Variants in RALYL observed in about 807,000 individuals in gnomAD.
RALYL encodes the protein RALY RNA binding protein like.
In RALYL, 29 loss-of-function variants were observed where a neutral mutation model predicts 35.1. The observed-to-expected ratio is 0.83, with a 90% confidence interval of 0.61 to 1.13. The LOEUF is 1.13. Among genes scored for constraint, RALYL ranks in the 50% most tolerant of loss-of-function variants. The probability of loss-of-function intolerance (pLI) is 0.00; values close to 1 mark genes in which losing one functional copy is unlikely to be tolerated. For missense variants in RALYL, 359 were observed against 360.4 expected, an observed-to-expected ratio of 1.00 and a Z score of 0.03; for synonymous variants, 120 against 127.6, an observed-to-expected ratio of 0.94 and a Z score of 0.40.
intron 2 of RALYL, among the ~76,000 whole-genome samples, chr8:84,698,425 A>C (rs1260158561): frequency 6.6e-6 from 1 of 152,144 alleles, no homozygotes; most frequent in Admixed American, 6.6e-5. Flanking sequence ...ATAGAGTCCC[A>C]ATGATAATAA....
At chr8:84,271,057 C>T (rs1834215829) in intron 1 of RALYL, among the ~76,000 whole-genome samples, 1 of 149,200 alleles carries the variant, frequency 6.7e-6, no homozygotes, top group African/African-American at 2.5e-5. Context: ...GCAAATAGAA[C>T]TTTATCAAAT....
At chr8:84,570,798 G>A (rs765876731) in intron 2 of RALYL, among the ~76,000 whole-genome samples, 7 of 151,768 alleles carry the variant, frequency 4.6e-5, no homozygotes, top group African/African-American at 9.7e-5. Flanking sequence ...ATCATGAAGC[G>A]ATGTTAGATT....
intron 2 of RALYL, among the ~76,000 whole-genome samples, chr8:84,663,381 T>C (rs375937149): frequency 9.2e-5 from 14 of 152,288 alleles, no homozygotes; most frequent in African/African-American, 3.4e-4. Context: ...ATGCTGCCTC[T>C]AGGTCTTTGA....
At chr8:84,602,234 T>A (rs1277432393) in intron 2 of RALYL, among the ~76,000 whole-genome samples, 1 of 152,006 alleles carries the variant, frequency 6.6e-6, no homozygotes, top group African/African-American at 2.4e-5. Flanking sequence ...CCAATAACTG[T>A]TTTTCATCTT....
chr8:84,354,060 A>T (rs1175839221), intron 1 of RALYL, among the ~76,000 whole-genome samples: 1 of 127,366 alleles, frequency 7.9e-6, no homozygotes, highest in African/African-American at 2.8e-5. Context: ...ATTTTTAAAA[A>T]ATAGATTTTT....
intron 2 of RALYL, among the ~76,000 whole-genome samples, chr8:84,760,009 A>G (rs1812313724): frequency 6.6e-6 from 1 of 152,294 alleles, no homozygotes; most frequent in South Asian, 2.1e-4. Context: ...CCATTTGCCT[A>G]TCTTATAGGC....
chr8:84,885,492 A>C (rs1418047464), intron 7 of RALYL, among the ~76,000 whole-genome samples: 1 of 152,158 alleles, frequency 6.6e-6, no homozygotes. Flanking sequence ...CCATCAGTAC[A>C]TCTGTATATG....
intron 1 of RALYL, among the ~76,000 whole-genome samples, chr8:84,390,777 C>G (rs992970505): frequency 6.6e-6 from 1 of 151,834 alleles, no homozygotes; most frequent in African/African-American, 2.4e-5. Flanking sequence ...TGACTGAGCC[C>G]ATGGAAACGC....
intron 1 of RALYL, among the ~76,000 whole-genome samples, chr8:84,521,171 A>G (rs1328609565): frequency 6.6e-6 from 1 of 152,110 alleles, no homozygotes; most frequent in Non-Finnish European, 1.5e-5. Context: ...CATAATAGGA[A>G]TTGTGCCCTT....
chr8:84,791,488 G>A (rs758298624), intron 3 of RALYL, among the ~76,000 whole-genome samples: 3 of 152,154 alleles, frequency 2.0e-5, no homozygotes, highest in Non-Finnish European at 4.4e-5. Context: ...AAAATAAAGA[G>A]CTTTTGGAAG....
chr8:84,450,969 G>A (rs2049406637), intron 1 of RALYL, among the ~76,000 whole-genome samples: 1 of 151,966 alleles, frequency 6.6e-6, no homozygotes, highest in African/African-American at 2.4e-5. Context: ...CCAATGCTCA[G>A]GAGCTGCAAA....
At position 84,372,886 on chromosome 8, in the gene RALYL, G is replaced by GTTTTTTTTGTTTTGTTTTGTTTTT. The variant is rs1856064727; in HGVS notation, c.-23-156405_-23-156404insGTTTTGTTTTGTTTTTTTTTTTTT. Among the ~76,000 whole-genome samples the GTTTTTTTTGTTTTGTTTTGTTTTT allele has an allele frequency of 2.8e-4, 11 of 39,074 alleles. 1 individual carries two copies. Among genetic ancestry groups the GTTTTTTTTGTTTTGTTTTGTTTTT allele is most frequent in the Middle Eastern group, 0.028 (1 of 36 alleles). 25.6% of individuals were successfully genotyped at this position (39,074 alleles called of 152,430 possible). On this transcript the variant is annotated intron_variant, in intron 1 of 8. Coordinates refer to ENST00000521268, the MANE Select transcript of RALYL (RefSeq NM_173848.7). The stretch of plus-strand genomic sequence containing the variant: ...TTTCTCCACAACCATGCCAGCATCT[G>GTTTTTTTTGTTTTGTTTTGTTTTT]TTTTTTTTTTTTTTTTTTTTTTTTT...
At chr8:84,212,852 A>C (rs998690173) in intron 1 of RALYL, among the ~76,000 whole-genome samples, 3 of 152,184 alleles carry the variant, frequency 2.0e-5, no homozygotes, top group African/African-American at 7.2e-5. Flanking sequence ...GGCAGTTTTT[A>C]TCTTAAAAAA....
At chr8:84,484,234 T>G (rs756767632) in intron 1 of RALYL, among the ~76,000 whole-genome samples, 2 of 152,088 alleles carry the variant, frequency 1.3e-5, no homozygotes, top group Non-Finnish European at 2.9e-5. Context: ...TTATTGAGTG[T>G]GTCTGCTCTG....
intron 4 of RALYL, among the ~76,000 whole-genome samples, chr8:84,841,593 G>C (rs1833366100): frequency 6.6e-6 from 1 of 151,786 alleles, no homozygotes. Flanking sequence ...TCCAGGACCT[G>C]AACTCAGCTC....
intron 2 of RALYL, among the ~76,000 whole-genome samples, chr8:84,751,781 C>T (rs2133217614): frequency 6.6e-6 from 1 of 152,262 alleles, no homozygotes; most frequent in Admixed American, 6.5e-5. Context: ...TGAAAGTTTC[C>T]TGAGGCCTCC....
intron 1 of RALYL, among the ~76,000 whole-genome samples, chr8:84,338,495 TTGAG>T (rs1003232673): frequency 6.6e-6 from 1 of 151,316 alleles, no homozygotes; most frequent in Non-Finnish European, 1.5e-5. Flanking sequence ...TTGAAACAGA[TTGAG>T]TATTATTAAC....
chr8:84,356,492 A>T (rs1851859640), intron 1 of RALYL, among the ~76,000 whole-genome samples: 1 of 150,296 alleles, frequency 6.7e-6, no homozygotes, highest in Non-Finnish European at 1.5e-5. Flanking sequence ...TCATGTTATC[A>T]TTAAAGGCAG....
At chr8:84,633,062 C>T (rs1329074396) in intron 2 of RALYL, among the ~76,000 whole-genome samples, 3 of 151,712 alleles carry the variant, frequency 2.0e-5, no homozygotes, top group Non-Finnish European at 2.9e-5. Flanking sequence ...GAGGGTTTAG[C>T]CATAGATACA....
Sources: allele counts gnomAD v4.1 joint callset (sites outside exome capture counted in the v4.1 genomes callset), GRCh38; gene constraint gnomAD v4.1.1; transcripts MANE v1.5; gene names NCBI Gene and HGNC (gene_info 2026-07-23, HGNC 2026-07-21).